The following ZBTB8B variants were observed in gnomAD, a reference collection of about 807,000 sequenced individuals.
ZBTB8B encodes the protein zinc finger and BTB domain containing 8B, also known as zinc finger and BTB domain-containing protein 8B.
In ZBTB8B, 17 loss-of-function variants were observed where a neutral mutation model predicts 30.3. That is an observed-to-expected ratio of 0.56 (90% CI 0.38 to 0.84). The LOEUF (loss-of-function observed/expected upper bound fraction) is 0.84. Ranked by LOEUF, ZBTB8B falls within the 40% of genes least tolerant of loss-of-function variation. The pLI is 0.00. For synonymous variants in ZBTB8B, 248 were observed against 255.6 expected, an observed-to-expected ratio of 0.97 and a Z score of 0.28; for missense variants, 515 against 644.9, an observed-to-expected ratio of 0.80 and a Z score of 2.18.
rs1031472359 is a variant in ZBTB8B, at chr1:32,492,385, C to T, written c.*6967C>T. 1 of 151,736 alleles carries T rather than the reference C, an allele frequency of 6.6e-6. No homozygotes were observed. Among genetic ancestry groups the T allele is most frequent in the Non-Finnish European group, 1.5e-5 (1 of 68,300 alleles). 9.4% of individuals were successfully genotyped at this position (151,736 alleles called of 1,614,324 possible). ...TGGTGCAATCTCGGCTCACCACAAC[C>T]TCCGCCTCCTGGATTGAAGCGATTC... On this transcript the variant is annotated 3_prime_UTR_variant, in exon 4 of 4. Transcript: ENST00000609129.
intron 1 of ZBTB8B, among the ~76,000 whole-genome samples, chr1:32,467,418 A>AT: frequency 6.6e-6 from 1 of 151,538 alleles, no homozygotes; most frequent in South Asian, 2.1e-4. Context: ...TGCCCAGCTA[A>AT]TTTTTTTGTA....
chr1:32,471,269 G>C lies in ZBTB8B; in HGVS notation c.645G>C (p.Ser215=), dbSNP rs35524219. 6.4e-7 allele frequency: 1 copy of C among 1,551,706 alleles called. No homozygotes were observed. The highest frequency in any genetic ancestry group is 8.7e-7 in the Non-Finnish European group (1 of 1,146,976). Residue 215 remains serine, a synonymous_variant, in exon 2 of 4, where the codon TCG becomes TCC. Coordinates refer to ENST00000609129, the MANE Select transcript of ZBTB8B (RefSeq NM_001145720.2). Reference sequence around the variant, plus strand: ...TGAGAGACAGCCTTGGCGGTGGCTCGGCTGACAGCAACCTCTCTACTCCAC... The same window carrying C: ...TGAGAGACAGCCTTGGCGGTGGCTCCGCTGACAGCAACCTCTCTACTCCAC... ...LVVRDSLGGG[S]ADSNLSTPPK...
In ZBTB8B at chr1:32,496,407, T is replaced by C. The variant is rs982757504; in HGVS notation, c.*10989T>C. On this transcript the variant is annotated 3_prime_UTR_variant, in exon 4 of 4. Coordinates refer to ENST00000609129, the MANE Select transcript of ZBTB8B (RefSeq NM_001145720.2). ...TATCTTTGCCTGCCAAGTTTGCAAA[T>C]GGATTAGTTCATTACAAAGGCACTT... 2 of 152,154 alleles carry C rather than the reference T, an allele frequency of 1.3e-5. No homozygotes were observed. Among genetic ancestry groups the C allele is most frequent in the African/African-American group, 2.4e-5 (1 of 41,432 alleles). The allele number at this position is 152,154 out of a possible 1,614,324, so 9.4% of individuals were successfully genotyped here.
chr1:32,495,673 C>T lies in ZBTB8B; in HGVS notation c.*10255C>T, dbSNP rs1643812470. The T allele has an allele frequency of 6.6e-6, 1 of 152,080 alleles. No homozygotes were observed. Among genetic ancestry groups the T allele is most frequent in the Non-Finnish European group, 1.5e-5 (1 of 68,014 alleles). The allele number at this position is 152,080 out of a possible 1,614,324, so 9.4% of individuals were successfully genotyped here. On this transcript the variant is annotated 3_prime_UTR_variant, in exon 4 of 4. Transcript: ENST00000609129. ...ATTTGAAGCTGACCTGAATTTGGTA[C>T]CTATAAATTTAAAATGGCTAAGGTT...
chr1:32,480,459 A>G (rs1409487712), intron 2 of ZBTB8B, among the ~76,000 whole-genome samples: 1 of 152,168 alleles, frequency 6.6e-6, no homozygotes, highest in Non-Finnish European at 1.5e-5. Context: ...CAAGGTATGA[A>G]TTTTAGGGGG....
intron 3 of ZBTB8B, among the ~76,000 whole-genome samples, chr1:32,482,237 G>T (rs560137785): frequency 1.3e-5 from 2 of 152,082 alleles, no homozygotes; most frequent in African/African-American, 4.8e-5. Flanking sequence ...GGGCTCAAGC[G>T]ATCTGCCTGC....
chr1:32,486,065 A>T lies in ZBTB8B; in HGVS notation c.*647A>T, dbSNP rs1643743068. ...GCCCAGTTGAATTAAATTTTAAGTT[A>T]GCCCTGAGAAGGGAGGCTATGACCC... On this transcript the variant is annotated 3_prime_UTR_variant, in exon 4 of 4. Transcript: ENST00000609129. The T allele has an allele frequency of 6.5e-6, 1 of 152,686 alleles. No homozygotes were observed. The highest frequency in any genetic ancestry group is 2.4e-5 in the African/African-American group (1 of 41,460). The allele number at this position is 152,686 out of a possible 1,614,324, so 9.5% of individuals were successfully genotyped here.
rs74948910 is a variant in ZBTB8B at position 32,491,056 on chromosome 1, C to T, written c.*5638C>T. ...TTGACAATTGTGGTTTTAGGGGGGG[C>T]AATTTTTATATCCATCATTTGATTT... On this transcript the variant is annotated 3_prime_UTR_variant, in exon 4 of 4. Transcript: ENST00000609129. 6.6e-6 allele frequency: 1 copy of T among 152,014 alleles called. No individual in the cohort carries two copies. Among genetic ancestry groups the T allele is most frequent in the East Asian group, 1.9e-4 (1 of 5,202 alleles). The allele number at this position is 152,014 out of a possible 1,614,324, so 9.4% of individuals were successfully genotyped here. A position where few individuals can be genotyped will look rare whatever the true frequency, so the allele number is the denominator to read the frequency against.
chr1:32,480,536 T>C (rs938778123), intron 2 of ZBTB8B, among the ~76,000 whole-genome samples: 18 of 152,136 alleles, frequency 1.2e-4, no homozygotes, highest in Non-Finnish European at 2.1e-4. Context: ...GAATAAACAC[T>C]ATCAGGGTGA....
intron 3 of ZBTB8B, among the ~76,000 whole-genome samples, chr1:32,483,472 C>A (rs1441499512): frequency 6.6e-6 from 1 of 151,658 alleles, no homozygotes; most frequent in Non-Finnish European, 1.5e-5. Flanking sequence ...GTTCCCAAAG[C>A]AGCTGCTGGC....
At chr1:32,480,308 GAGA>G (rs1412346139) in intron 2 of ZBTB8B, among the ~76,000 whole-genome samples, 2 of 152,044 alleles carry the variant, frequency 1.3e-5, no homozygotes, top group East Asian at 3.9e-4. Flanking sequence ...GGTATGCAGG[GAGA>G]AGGAGAGAGA....
rs55796835 is a variant in ZBTB8B at position 32,479,166 on chromosome 1, G to GTGATA, written c.992-1701_992-1697dup. Among the ~76,000 whole-genome samples the GTGATA allele has an allele frequency of 2.1e-3, 321 of 152,088 alleles. 1 individual carries two copies. Among genetic ancestry groups the GTGATA allele is most frequent in the East Asian group, 6.9e-3 (36 of 5,180 alleles). On this transcript the variant is annotated intron_variant, in intron 2 of 3. Transcript: ENST00000609129. ...GCTTGAGTCACTAGTGCCTTCATAG[G>GTGATA]TGATATGATATGATATGATATGATA...
chr1:32,472,128 GCCACCA>G (rs966006950), intron 2 of ZBTB8B, among the ~76,000 whole-genome samples: 24 of 151,772 alleles, frequency 1.6e-4, no homozygotes, highest in African/African-American at 5.6e-4. Flanking sequence ...CACCATTATT[GCCACCA>G]CCACCACCAC....
At chr1:32,469,178 C>T (rs1381116645) in intron 1 of ZBTB8B, among the ~76,000 whole-genome samples, 4 of 151,048 alleles carry the variant, frequency 2.6e-5, no homozygotes, top group Admixed American at 6.6e-5. Flanking sequence ...GCTTGGGCGA[C>T]AGACCCAAGA....
At chr1:32,474,206 A>G (rs1482064651) in intron 2 of ZBTB8B, among the ~76,000 whole-genome samples, 1 of 151,518 alleles carries the variant, frequency 6.6e-6, no homozygotes, top group Non-Finnish European at 1.5e-5. Context: ...TTAAAACAAG[A>G]CTTGAAAAAC....
At chr1:32,469,137 A>G (rs1377930656) in intron 1 of ZBTB8B, among the ~76,000 whole-genome samples, 1 of 152,008 alleles carries the variant, frequency 6.6e-6, no homozygotes, top group African/African-American at 2.4e-5. Flanking sequence ...TTGAAGGTGT[A>G]GTGAGCTATG....
At chr1:32,485,012 G>T (rs1643733041) in intron 3 of ZBTB8B, 89 bp from the exon 4 acceptor site, 1 of 1,296,888 alleles carries the variant, frequency 7.7e-7, no homozygotes, top group South Asian at 1.4e-5. Context: ...GAATCGGGAG[G>T]ATCAGGCAGG....
Position 32,485,513 on chromosome 1 carries a change from A to G in ZBTB8B, c.*95A>G. The G allele has an allele frequency of 1.6e-6, 2 of 1,261,950 alleles. No homozygotes were observed. Among genetic ancestry groups the G allele is most frequent in the Non-Finnish European group, 2.2e-6 (2 of 918,288 alleles). 78.2% of individuals were successfully genotyped at this position (1,261,950 alleles called of 1,614,324 possible). Reference sequence around the variant, plus strand: ...TTGTCCAATTTTGTGGAACCCTGAGAGGAACATTTTTTCACTGTTATTATA... The same window carrying G: ...TTGTCCAATTTTGTGGAACCCTGAGGGGAACATTTTTTCACTGTTATTATA... On this transcript the variant is annotated 3_prime_UTR_variant, in exon 4 of 4. Coordinates refer to ENST00000609129, the MANE Select transcript of ZBTB8B (RefSeq NM_001145720.2).
chr1:32,483,844 C>T (rs1643725153), intron 3 of ZBTB8B, among the ~76,000 whole-genome samples: 1 of 151,914 alleles, frequency 6.6e-6, no homozygotes, highest in Non-Finnish European at 1.5e-5. Context: ...GCAGGGGGAT[C>T]ACTCGAGCCC....
Sources: allele counts gnomAD v4.1 joint callset (sites outside exome capture counted in the v4.1 genomes callset), GRCh38; gene constraint gnomAD v4.1.1; transcripts MANE v1.5; gene names NCBI Gene and HGNC (gene_info 2026-07-23, HGNC 2026-07-21).